Variants in MS4A13 observed in about 807,000 individuals in gnomAD.
MS4A13 encodes the protein membrane-spanning 4-domains subfamily A member 13.
Under a neutral mutation model 18.4 loss-of-function variants are expected in MS4A13, and 21 were observed. The observed-to-expected ratio is 1.14, with a 90% CI of 0.81 to 1.64. MS4A13 has a LOEUF of 1.64. Among genes scored for constraint, MS4A13 ranks in the 40% most tolerant of loss-of-function variants. MS4A13 has a pLI of 0.00. For synonymous variants in MS4A13, 62 were observed against 57.2 expected, an observed-to-expected ratio of 1.08 and a Z score of -0.38; for missense variants, 173 against 176.8, an observed-to-expected ratio of 0.98 and a Z score of 0.12.
At chr11:60,533,416 G>T (rs2086787642) in intron 6 of MS4A13, among the ~76,000 whole-genome samples, 4 of 114,080 alleles carry the variant, frequency 3.5e-5, no homozygotes, top group African/African-American at 1.4e-4. Context: ...GGAAGAAAGG[G>T]TATCAGCAAT....
chr11:60,532,521 A>T (rs897825000), intron 6 of MS4A13, among the ~76,000 whole-genome samples: 4 of 152,208 alleles, frequency 2.6e-5, no homozygotes, highest in African/African-American at 9.6e-5. Flanking sequence ...AGAGGGTCCT[A>T]CGCCCACGGA....
At chr11:60,535,148 GC>G (rs2086797765) in intron 6 of MS4A13, among the ~76,000 whole-genome samples, 1 of 43,080 alleles carries the variant, frequency 2.3e-5, no homozygotes, top group African/African-American at 9.9e-5. Flanking sequence ...TCAAAAGCTA[GC>G]AGAAGGCAAG....
intron 5 of MS4A13, among the ~76,000 whole-genome samples, chr11:60,526,004 A>G (rs984875555): frequency 1.3e-5 from 2 of 152,028 alleles, no homozygotes; most frequent in Non-Finnish European, 2.9e-5. Context: ...TTGTCTGACC[A>G]ACAGAACAAA....
intron 5 of MS4A13, among the ~76,000 whole-genome samples, chr11:60,528,168 TTACTC>T (rs1053123034): frequency 8.9e-5 from 13 of 146,872 alleles, no homozygotes; most frequent in East Asian, 8.5e-4. Context: ...TATTTTAGCT[TTACTC>T]TACTGGTTGT....
intron 3 of MS4A13, among the ~76,000 whole-genome samples, chr11:60,520,995 G>A (rs764582825): frequency 5.9e-5 from 9 of 152,184 alleles, no homozygotes; most frequent in Non-Finnish European, 7.4e-5. Flanking sequence ...CTGTGTACCC[G>A]CAGGCTCAAC....
intron 5 of MS4A13, among the ~76,000 whole-genome samples, chr11:60,527,634 G>C (rs901398179): frequency 3.3e-5 from 5 of 151,888 alleles, no homozygotes; most frequent in African/African-American, 1.2e-4. Flanking sequence ...TCAGATGTTC[G>C]AGACCAGCCT....
chr11:60,538,576 A>G (rs978700030), intron 6 of MS4A13, among the ~76,000 whole-genome samples: 1 of 114,800 alleles, frequency 8.7e-6, no homozygotes, highest in African/African-American at 3.0e-5. Flanking sequence ...AAATTTTAAG[A>G]AATAAAAATA....
chr11:60,518,009 C>T, intron 2 of MS4A13, 63 bp from the exon 3 acceptor site: 1 of 1,288,800 alleles, frequency 7.8e-7, no homozygotes, highest in Non-Finnish European at 1.1e-6. Context: ...TTATAGTTAA[C>T]ACTTATTGGA....
intron 2 of MS4A13, among the ~76,000 whole-genome samples, chr11:60,516,708 C>T (rs2086639976): frequency 6.6e-6 from 1 of 152,058 alleles, no homozygotes; most frequent in South Asian, 2.1e-4. Flanking sequence ...GTCTGACCTC[C>T]TGGAACTCAT....
At chr11:60,529,739 A>G (rs181769523) in intron 6 of MS4A13, among the ~76,000 whole-genome samples, 49 of 152,320 alleles carry the variant, frequency 3.2e-4, no homozygotes, top group African/African-American at 1.1e-3. Flanking sequence ...CTATACAAAA[A>G]AAGACGAATA....
At chr11:60,527,646 G>C (rs1338665601) in intron 5 of MS4A13, among the ~76,000 whole-genome samples, 1 of 151,982 alleles carries the variant, frequency 6.6e-6, no homozygotes, top group Non-Finnish European at 1.5e-5. Flanking sequence ...GACCAGCCTG[G>C]CCAACAAGGT....
rs1295191596 is a variant in MS4A13, at chr11:60,523,970, G to C, written c.186+17G>C. On this transcript the variant is annotated intron_variant, in intron 4 of 6. Coordinates refer to ENST00000378186, the MANE Select transcript of MS4A13 (RefSeq NM_001012417.3). ...CGATCTGGAGTAAGTTGAAATGTTT[G>C]AGGTATCTCTAGAAATCACTTATCA... 6.9e-7 allele frequency: 1 copy of C among 1,455,288 alleles called. No individual in the cohort carries two copies. Among genetic ancestry groups the C allele is most frequent in the Non-Finnish European group, 9.6e-7 (1 of 1,038,202 alleles). 90.1% of individuals were successfully genotyped at this position (1,455,288 alleles called of 1,614,324 possible).
chr11:60,541,443 A>G (rs542590384), intron 6 of MS4A13, among the ~76,000 whole-genome samples: 2 of 152,240 alleles, frequency 1.3e-5, no homozygotes, highest in Non-Finnish European at 2.9e-5. Flanking sequence ...AAAAGCAACT[A>G]TACCTGCACT....
At chr11:60,539,560 A>G (rs1187615264) in intron 6 of MS4A13, among the ~76,000 whole-genome samples, 1 of 152,108 alleles carries the variant, frequency 6.6e-6, no homozygotes, top group Non-Finnish European at 1.5e-5. Context: ...TAAAGAAATA[A>G]TGGCTCCCAA....
rs886869682 is a variant in MS4A13 at position 60,532,465 on chromosome 11, G to A, written c.402+3005G>A. On this transcript the variant is annotated intron_variant, in intron 6 of 6. Coordinates refer to ENST00000378186, the MANE Select transcript of MS4A13 (RefSeq NM_001012417.3). Reference sequence around the variant, plus strand: ...ACCCGAATATTGCGCTTTTCAGACCGGCTCAAAAAACGGCGCACCAGGAGA... The same window carrying A: ...ACCCGAATATTGCGCTTTTCAGACCAGCTCAAAAAACGGCGCACCAGGAGA... Among the ~76,000 whole-genome samples the A allele has an allele frequency of 5.8e-4, 88 of 152,192 alleles. 1 individual carries two copies. The highest frequency in any genetic ancestry group is 1.9e-3 in the African/African-American group (80 of 41,458).
rs768446471 is a variant in MS4A13, at chr11:60,529,418, T to G, written c.360T>G (p.Phe120Leu). ...TACTGTTCTTCTACGGTTTGGAATT[T>G]TCTATTGCACTTACACACTCAATAT... ...RILLFFYGLE[F>L]SIALTHSIYS... The change falls in exon 6 of 7, where the codon TTT becomes TTG. Residue 120 changes from phenylalanine to leucine, a missense_variant. Transcript: ENST00000378186. 5.2e-5 allele frequency: 84 copies of G among 1,610,624 alleles called. No individual in the cohort carries two copies. The highest frequency in any genetic ancestry group is 6.6e-5 in the Non-Finnish European group (78 of 1,178,476).
intron 6 of MS4A13, among the ~76,000 whole-genome samples, chr11:60,531,406 G>A (rs368729645): frequency 6.6e-6 from 1 of 152,308 alleles, no homozygotes. Context: ...ATATAAATAT[G>A]TGCAAAGCTA....
intron 3 of MS4A13, among the ~76,000 whole-genome samples, chr11:60,518,527 A>C (rs2086653189): frequency 6.6e-6 from 1 of 152,156 alleles, no homozygotes; most frequent in Non-Finnish European, 1.5e-5. Flanking sequence ...TTGCATGTTT[A>C]TTATCTTCAC....
intron 5 of MS4A13, among the ~76,000 whole-genome samples, chr11:60,528,132 T>C (rs1282027116): frequency 6.6e-6 from 1 of 152,180 alleles, no homozygotes; most frequent in East Asian, 1.9e-4. Context: ...GTTCTCACAT[T>C]AAAAACCATA....
Sources: gnomAD v4.1 joint callset for allele counts (sites outside exome capture counted in the v4.1 genomes callset) on GRCh38, gnomAD v4.1.1 for gene constraint, MANE v1.5 for transcripts, NCBI Gene and HGNC (gene_info 2026-07-23, HGNC 2026-07-21) for gene names.